NALCN: variants seen among roughly 807,000 people sequenced by gnomAD.
NALCN encodes the protein sodium leak channel, non-selective.
A neutral mutation model predicts 225.3 loss-of-function variants in NALCN; 111 were observed. That is an observed-to-expected ratio of 0.49 (90% CI 0.42 to 0.58). NALCN has a LOEUF of 0.58. Among genes scored for constraint, NALCN ranks in the 20% least tolerant of loss-of-function variants. NALCN has a pLI of 0.00. For missense variants in NALCN, 1,378 were observed against 2,202.4 expected (o/e 0.63, Z 7.49); for synonymous variants, 764 against 769.0 (o/e 0.99, Z 0.11).
chr13:101,081,733 T>C lies in NALCN; in HGVS notation c.3766-87A>G, dbSNP rs2033664330. On this transcript the variant is annotated intron_variant, in intron 33 of 43. Transcript: ENST00000251127. ...TAACTTGAGATGCATTATGTGTATG[T>C]ATTTTTTTCAAATGAAGAAAATTTT... The C allele has an allele frequency of 1.1e-5, 17 of 1,495,060 alleles. No individual in the cohort carries two copies. In the East Asian group the frequency reaches 3.0e-4, roughly 27 times the overall value. The allele number at this position is 1,495,060 out of a possible 1,614,324, so 92.6% of individuals were successfully genotyped here.
chr13:101,057,726 G>A, intron 43 of NALCN: 1 of 568,832 alleles, frequency 1.8e-6, no homozygotes, highest in Non-Finnish European at 3.1e-6. Flanking sequence ...AGCCTGAAAT[G>A]TACCCGGAAA....
At chr13:101,397,447 A>G (rs572122631) in intron 2 of NALCN, among the ~76,000 whole-genome samples, 1 of 151,180 alleles carries the variant, frequency 6.6e-6, no homozygotes, top group East Asian at 2.0e-4. Context: ...ATGCATGCAC[A>G]TATAAATATA....
chr13:101,191,179 C>T (rs560669530), intron 14 of NALCN, among the ~76,000 whole-genome samples: 9 of 152,124 alleles, frequency 5.9e-5, no homozygotes, highest in African/African-American at 1.9e-4. Context: ...GAACTTCTAA[C>T]GTGATGTTAG....
At chr13:101,284,830 C>T (rs1350173962) in intron 9 of NALCN, among the ~76,000 whole-genome samples, 1 of 152,092 alleles carries the variant, frequency 6.6e-6, no homozygotes, top group Non-Finnish European at 1.5e-5. Context: ...TCACATATTA[C>T]CTATGTGTCA....
intron 13 of NALCN, among the ~76,000 whole-genome samples, chr13:101,198,670 C>G (rs7984120): frequency 0.26 from 39,911 of 151,954 alleles, 5,500 homozygotes; most frequent in East Asian, 0.37. Flanking sequence ...TGGAGAAATA[C>G]GAACACTTTT....
chr13:101,382,138 G>A (rs2046866930), intron 3 of NALCN, among the ~76,000 whole-genome samples: 1 of 152,068 alleles, frequency 6.6e-6, no homozygotes, highest in African/African-American at 2.4e-5. Context: ...AATGTTATAT[G>A]TAGCAGCACT....
At chr13:101,300,314 TTCC>T (rs1478747201) in intron 7 of NALCN, among the ~76,000 whole-genome samples, 2 of 151,800 alleles carry the variant, frequency 1.3e-5, no homozygotes, top group East Asian at 3.9e-4. Context: ...CTTCTTCTTC[TTCC>T]TCTTCTTTTC....
intron 10 of NALCN, among the ~76,000 whole-genome samples, chr13:101,272,074 G>A (rs2042806327): frequency 6.6e-6 from 1 of 151,012 alleles, no homozygotes; most frequent in South Asian, 2.1e-4. Context: ...TAAGTGTGTA[G>A]GCATGTGTAT....
At chr13:101,118,784 C>T (rs538227938) in intron 18 of NALCN, among the ~76,000 whole-genome samples, 1 of 152,312 alleles carries the variant, frequency 6.6e-6, no homozygotes, top group African/African-American at 2.4e-5. Context: ...GGGGTTGGCA[C>T]AAACCCTAGG....
rs1350022399 is a variant in NALCN, at chr13:101,089,617, G to T, written c.3489+46C>A. On this transcript the variant is annotated intron_variant, in intron 30 of 43. Transcript: ENST00000251127. The surrounding 1 kb of genome is among the most constrained non-coding windows in gnomAD (Gnocchi z 4.7). ...AGAAACAAATAGCTCAAAGTGAGTG[G>T]CTAGAAAAGGCTAAACCCTGTGGTA... is the stretch of plus-strand genomic sequence containing the variant. 1.9e-6 allele frequency: 3 copies of T among 1,546,350 alleles called. No homozygotes were observed. The highest frequency in any genetic ancestry group is 2.7e-6 in the Non-Finnish European group (3 of 1,124,110).
intron 13 of NALCN, among the ~76,000 whole-genome samples, chr13:101,195,421 T>G (rs1042580294): frequency 1.3e-5 from 2 of 152,238 alleles, no homozygotes; most frequent in African/African-American, 4.8e-5. Flanking sequence ...TCCTTTTAAG[T>G]GTTTTTATTT....
intron 10 of NALCN, among the ~76,000 whole-genome samples, chr13:101,274,297 T>C (rs1260758749): frequency 6.6e-6 from 1 of 152,152 alleles, no homozygotes; most frequent in Non-Finnish European, 1.5e-5. Flanking sequence ...AATGAATAAA[T>C]GAATGAAGAA....
At chr13:101,105,827 C>T (rs578006969) in intron 22 of NALCN, among the ~76,000 whole-genome samples, 2 of 152,118 alleles carry the variant, frequency 1.3e-5, no homozygotes, top group African/African-American at 4.8e-5. Flanking sequence ...GGTCCCTGAG[C>T]AAAGCCCTCA....
At chr13:101,294,772 T>C (rs552638585) in intron 7 of NALCN, among the ~76,000 whole-genome samples, 1 of 152,244 alleles carries the variant, frequency 6.6e-6, no homozygotes, top group African/African-American at 2.4e-5. Flanking sequence ...AATATCTGTA[T>C]GCAGAAGTAC....
chr13:101,307,926 GAAC>G (rs1200372179), intron 7 of NALCN, among the ~76,000 whole-genome samples: 3 of 152,162 alleles, frequency 2.0e-5, no homozygotes, highest in Non-Finnish European at 2.9e-5. Context: ...AGGTAAATCA[GAAC>G]AATATAAAAT....
intron 14 of NALCN, among the ~76,000 whole-genome samples, chr13:101,177,406 C>T (rs1294486411): frequency 5.9e-5 from 5 of 85,366 alleles, no homozygotes; most frequent in African/African-American, 1.2e-4. Flanking sequence ...ACAGTAAATA[C>T]GAGTATATAT....
chr13:101,142,388 C>T (rs1425392106), intron 17 of NALCN, among the ~76,000 whole-genome samples: 15 of 151,964 alleles, frequency 9.9e-5, no homozygotes, highest in South Asian at 6.3e-4. Flanking sequence ...GTGATCCACC[C>T]GCCTCGGCCT....
At chr13:101,286,858 G>A (rs548722764) in intron 9 of NALCN, among the ~76,000 whole-genome samples, 1 of 122,210 alleles carries the variant, frequency 8.2e-6, no homozygotes, top group Non-Finnish European at 1.7e-5. Context: ...AACATTCCAG[G>A]TATTATACAC....
At chr13:101,289,643 G>A (rs1326325549) in intron 9 of NALCN, among the ~76,000 whole-genome samples, 3 of 151,890 alleles carry the variant, frequency 2.0e-5, no homozygotes, top group Non-Finnish European at 4.4e-5. Context: ...GTCCTTTGAT[G>A]AGAATAGCCT....
Sources: gnomAD v4.1 joint callset for allele counts (sites outside exome capture counted in the v4.1 genomes callset) on GRCh38, gnomAD v4.1.1 for gene constraint, Gnocchi (gnomAD v3.1) non-coding constraint, MANE v1.5 for transcripts, NCBI Gene and HGNC (gene_info 2026-07-23, HGNC 2026-07-21) for gene names.